Variants in PRKCD observed in about 807,000 individuals in gnomAD.
The protein encoded by PRKCD is protein kinase C delta type.
In PRKCD, 20 loss-of-function variants were observed where a neutral mutation model predicts 82.2. The ratio of observed to expected loss-of-function variants is 0.24; its 90% CI spans 0.17 to 0.35. PRKCD has a LOEUF of 0.35. PRKCD is among the 10% of genes least tolerant of loss of function. The pLI is 1.00. For synonymous variants in PRKCD, 317 were observed against 337.0 expected (o/e 0.94, Z 0.65); for missense variants, 607 against 899.0 (o/e 0.68, Z 4.15).
At chr3:53,181,941 C>A in intron 7 of PRKCD, 1 of 765,894 alleles carries the variant, frequency 1.3e-6, no homozygotes, top group African/African-American at 1.7e-5. Context: ...TTCCCAGCTC[C>A]GCATTCAGTG....
In PRKCD at chr3:53,178,476, G is replaced by C. The variant is rs1703298387; in HGVS notation, c.54G>C (p.Gln18His). The C allele has an allele frequency of 6.2e-7, 1 of 1,613,248 alleles. No homozygotes were observed. Among genetic ancestry groups the C allele is most frequent in the Non-Finnish European group, 8.5e-7 (1 of 1,179,948 alleles). The change falls in exon 3 of 19, where the codon CAG becomes CAC. Residue 18 changes from glutamine (Q) to histidine (H), a missense_variant. Coordinates refer to ENST00000330452, the MANE Select transcript of PRKCD (RefSeq NM_006254.4). ...AFNSYELGSL[Q>H]AEDEANQPFC... ...ACTCCTATGAGCTGGGCTCCCTGCA[G>C]GCCGAGGACGAGGCGAACCAGCCCT...
In PRKCD at chr3:53,178,480, G is replaced by A. The variant is rs782488734; in HGVS notation, c.58G>A (p.Glu20Lys). The stretch of plus-strand genomic sequence containing the variant: ...CTATGAGCTGGGCTCCCTGCAGGCC[G>A]AGGACGAGGCGAACCAGCCCTTCTG... The part of the protein sequence containing the change: ...NSYELGSLQA[E>K]DEANQPFCAV... Residue 20 changes from glutamate to lysine, a missense_variant, in exon 3 of 19, where the codon GAG (glutamate) becomes AAG (lysine). By Grantham distance (56) the Glu-to-Lys change is moderately conservative. Transcript: ENST00000330452. 1.5e-5 allele frequency: 25 copies of A among 1,613,074 alleles called. No homozygotes were observed. The highest frequency in any genetic ancestry group is 2.7e-5 in the African/African-American group (2 of 74,928).
Position 53,189,260 on chromosome 3 carries a change from G to A in PRKCD, c.1743+14G>A, listed in dbSNP as rs377684585. On this transcript the variant is annotated intron_variant, in intron 17 of 18. Coordinates refer to ENST00000330452, the MANE Select transcript of PRKCD (RefSeq NM_006254.4). ...ATCCTGGAGAAGGTGGAGGCCCTGG[G>A]CTGGGCTGGGCTGGTCTGGGCTGGG... 3.5e-5 allele frequency: 51 copies of A among 1,445,326 alleles called. No homozygotes were observed. The highest frequency in any genetic ancestry group is 4.6e-5 in the Non-Finnish European group (49 of 1,063,518). The allele number at this position is 1,445,326 out of a possible 1,614,324, so 89.5% of individuals were successfully genotyped here.
chr3:53,162,781 T>C (rs1702717263), intron 1 of PRKCD, among the ~76,000 whole-genome samples: 1 of 151,734 alleles, frequency 6.6e-6, no homozygotes, highest in Non-Finnish European at 1.5e-5. Context: ...GCACACTGGG[T>C]ATATCATGGT....
At position 53,169,382 on chromosome 3, in the gene PRKCD, G is replaced by C. The variant is rs547812615; in HGVS notation, c.-20+4167G>C. On this transcript the variant is annotated intron_variant, in intron 2 of 18. Transcript: ENST00000330452. This position sits in a 1 kb window ranked among gnomAD's most constrained non-coding sequence, Gnocchi z 4.7. ...CCTTCTAAGGGGTGGGGGAGCATTT[G>C]AGAGGCCCACGAACAGGACTGGGAT... Among the ~76,000 whole-genome samples, 48 of 152,162 alleles carry C rather than the reference G, an allele frequency of 3.2e-4. No individual in the cohort carries two copies. Among genetic ancestry groups the C allele is most frequent in the Non-Finnish European group, 6.0e-4 (41 of 68,020 alleles).
chr3:53,181,345 T>C, intron 5 of PRKCD, 78 bp downstream of exon 5: 1 of 1,607,678 alleles, frequency 6.2e-7, no homozygotes, highest in South Asian at 1.1e-5. Context: ...GGGAAGCTGC[T>C]CCCTTCGGCA....
chr3:53,185,001 A>C (rs551307318), intron 10 of PRKCD, 27 bp downstream of exon 10: 2 of 1,589,984 alleles, frequency 1.3e-6, no homozygotes, highest in African/African-American at 1.3e-5. Flanking sequence ...GGGACCCTGG[A>C]CACAGGGCAG....
At chr3:53,175,283 G>A (rs1220036592) in intron 2 of PRKCD, among the ~76,000 whole-genome samples, 10 of 152,200 alleles carry the variant, frequency 6.6e-5, no homozygotes, top group African/African-American at 1.4e-4. Context: ...GAATGGATGC[G>A]GTGGGGGATG....
chr3:53,173,327 C>G (rs1295545686), intron 2 of PRKCD, among the ~76,000 whole-genome samples: 2 of 152,312 alleles, frequency 1.3e-5, no homozygotes, highest in East Asian at 3.9e-4. Flanking sequence ...TGGCTGGGAA[C>G]AGGTTTCCAT....
chr3:53,180,252 T>A (rs1347238464), intron 4 of PRKCD, among the ~76,000 whole-genome samples: 4 of 152,274 alleles, frequency 2.6e-5, no homozygotes, highest in African/African-American at 9.6e-5. Flanking sequence ...CCAGGCCTCC[T>A]TCCCAGAGGC....
chr3:53,178,881 T>TC (rs1411749530), intron 3 of PRKCD, among the ~76,000 whole-genome samples: 2 of 152,212 alleles, frequency 1.3e-5, no homozygotes, highest in Non-Finnish European at 2.9e-5. Flanking sequence ...CTCATGGGGT[T>TC]CATAGTCAGG....
intron 2 of PRKCD, among the ~76,000 whole-genome samples, chr3:53,170,959 G>A (rs936012437): frequency 5.3e-5 from 8 of 151,900 alleles, no homozygotes; most frequent in African/African-American, 1.7e-4. Flanking sequence ...GTGTGTGTGT[G>A]TACGTGTGCC....
chr3:53,188,187 CAAAAAAAAAAAAAAA>C (rs557772373), intron 15 of PRKCD, among the ~76,000 whole-genome samples: 1 of 45,572 alleles, frequency 2.2e-5, no homozygotes, highest in Non-Finnish European at 3.9e-5. Flanking sequence ...GACTGTGTCT[CAAAAAAAAAAAAAAA>C]AAAAAAAAAA....
In PRKCD at chr3:53,186,708, C is replaced by A; in HGVS notation, c.1352+13C>A. 1 of 1,608,088 alleles carries A rather than the reference C, an allele frequency of 6.2e-7. No homozygotes were observed. Among genetic ancestry groups the A allele is most frequent in the Non-Finnish European group, 8.5e-7 (1 of 1,175,496 alleles). ...TCTACCGTGCCACGTACGTAAGGGC[C>A]ATGGTGGGGAAGGGCCCAGTGTGGA... On this transcript the variant is annotated intron_variant, in intron 14 of 18. Transcript: ENST00000330452.
At chr3:53,188,934 A>G (rs1703816667) in intron 16 of PRKCD, 76 bp downstream of exon 16, 1 of 1,594,190 alleles carries the variant, frequency 6.3e-7, no homozygotes, top group Non-Finnish European at 8.6e-7. Context: ...AAGGATTCCC[A>G]AGGGCAGTGA....
chr3:53,162,390 T>C (rs948844453), intron 1 of PRKCD, among the ~76,000 whole-genome samples: 2 of 152,118 alleles, frequency 1.3e-5, no homozygotes, highest in African/African-American at 2.4e-5. Flanking sequence ...GAGCCCCGCC[T>C]TAAACCTGGT....
chr3:53,179,541 C>T (rs372685060), intron 3 of PRKCD, 36 bp from the exon 4 acceptor site: 3 of 1,613,248 alleles, frequency 1.9e-6, no homozygotes, highest in African/African-American at 2.7e-5. Context: ...GACAGAGGGG[C>T]CATGGCCCAA....
chr3:53,181,340 G>A, intron 5 of PRKCD, 73 bp downstream of exon 5: 1 of 1,607,720 alleles, frequency 6.2e-7, no homozygotes, highest in East Asian at 2.2e-5. Context: ...GTGTAGGGAA[G>A]CTGCTCCCTT....
chr3:53,186,975 T>G lies in PRKCD; in HGVS notation c.1352+280T>G, dbSNP rs1289546343. Among the ~76,000 whole-genome samples the G allele has an allele frequency of 2.0e-5, 3 of 152,342 alleles. No individual in the cohort carries two copies. In the East Asian group the frequency reaches 5.8e-4, roughly 29 times the overall value. On this transcript the variant is annotated intron_variant, in intron 14 of 18. Transcript: ENST00000330452. ...CAGCCTTGCAAATGGTGGTCCTGCA[T>G]GACACAGGACACAGGACCCTGGTGC...
Sources: allele counts gnomAD v4.1 joint callset (sites outside exome capture counted in the v4.1 genomes callset), GRCh38; gene constraint gnomAD v4.1.1; non-coding constraint Gnocchi (gnomAD v3.1); transcripts MANE v1.5; gene names NCBI Gene and HGNC (gene_info 2026-07-23, HGNC 2026-07-21).